NAV2: variants seen among roughly 807,000 people sequenced by gnomAD.
NAV2 encodes helicase, APC down-regulated 1.
Under a neutral mutation model 223.2 loss-of-function variants are expected in NAV2, and 54 were observed. The ratio of observed to expected loss-of-function variants is 0.24; its 90% CI spans 0.19 to 0.30. NAV2 has a LOEUF of 0.30. NAV2 is among the 10% of genes least tolerant of loss of function. The probability of loss-of-function intolerance (pLI) is 1.00; values close to 1 mark genes in which losing one functional copy is unlikely to be tolerated. For missense variants in NAV2, 2,806 were observed against 3,147.5 expected (o/e 0.89, Z 2.60); for synonymous variants, 1,279 against 1,239.3 (o/e 1.03, Z -0.67).
intron 1 of NAV2, among the ~76,000 whole-genome samples, chr11:19,375,900 A>T (rs1242914268): frequency 2.0e-5 from 3 of 152,210 alleles, no homozygotes; most frequent in Non-Finnish European, 2.9e-5. Context: ...AAAAACACAA[A>T]TATCATTATA....
chr11:19,722,415 G>T (rs938200278), intron 1 of NAV2, among the ~76,000 whole-genome samples: 3 of 152,202 alleles, frequency 2.0e-5, no homozygotes, highest in African/African-American at 7.2e-5. Context: ...TCTTTTGCCT[G>T]ACTGAATCCT....
At chr11:19,556,087 C>T (rs907766446) in intron 1 of NAV2, among the ~76,000 whole-genome samples, 3 of 152,118 alleles carry the variant, frequency 2.0e-5, no homozygotes, top group Non-Finnish European at 4.4e-5. Flanking sequence ...TGCAGCTCCC[C>T]GGGGACCAGG....
At chr11:20,050,196 C>T (rs939409006) in intron 16 of NAV2, among the ~76,000 whole-genome samples, 3 of 152,178 alleles carry the variant, frequency 2.0e-5, no homozygotes, top group Non-Finnish European at 4.4e-5. Flanking sequence ...TTGTGGCCTC[C>T]TGTGGCATGT....
At chr11:19,647,836 A>G (rs2047860024) in intron 1 of NAV2, among the ~76,000 whole-genome samples, 1 of 152,234 alleles carries the variant, frequency 6.6e-6, no homozygotes, top group South Asian at 2.1e-4. Flanking sequence ...TCTGCTTCAG[A>G]GGTTTAAAAG....
chr11:19,888,888 G>A (rs772448143), intron 5 of NAV2, among the ~76,000 whole-genome samples: 10 of 152,044 alleles, frequency 6.6e-5, no homozygotes, highest in Admixed American at 5.2e-4. Context: ...ACCAACCTCC[G>A]AGATCTTCAT....
At chr11:19,860,869 A>G (rs1275371636) in intron 3 of NAV2, among the ~76,000 whole-genome samples, 1 of 152,044 alleles carries the variant, frequency 6.6e-6, no homozygotes, top group Non-Finnish European at 1.5e-5. Flanking sequence ...TCTCCACCCA[A>G]AAAATACGAA....
At chr11:20,006,558 C>T (rs2153499489) in intron 11 of NAV2, among the ~76,000 whole-genome samples, 1 of 152,110 alleles carries the variant, frequency 6.6e-6, no homozygotes, top group South Asian at 2.1e-4. Context: ...GCCTATAATC[C>T]CAGCTACTTG....
chr11:19,965,623 A>G (rs2048708492), intron 10 of NAV2, among the ~76,000 whole-genome samples: 1 of 152,208 alleles, frequency 6.6e-6, no homozygotes, highest in Middle Eastern at 3.2e-3. Flanking sequence ...CATTGGTGAG[A>G]GAGATCTTTC....
intron 6 of NAV2, among the ~76,000 whole-genome samples, chr11:19,917,837 G>C (rs781170366): frequency 6.6e-6 from 1 of 152,180 alleles, no homozygotes; most frequent in Admixed American, 6.5e-5. Context: ...AGCTGGTCTC[G>C]AACTCCTGAC....
In NAV2 at chr11:19,812,187, G is replaced by A. The variant is rs564080478; in HGVS notation, c.268-20297G>A. Among the ~76,000 whole-genome samples, 11 of 152,056 alleles carry A rather than the reference G, an allele frequency of 7.2e-5. 1 individual carries two copies. The highest frequency in any genetic ancestry group is 5.2e-4 in the Admixed American group (8 of 15,274). On this transcript the variant is annotated intron_variant, in intron 1 of 37. Coordinates refer to ENST00000349880, the MANE Select transcript of NAV2 (RefSeq NM_145117.5). ...TCTGATTCAATAGGCCTGGAGTGGGGCCTGATAATCTGCATTTATGATGAG... is the reference window on the plus strand; with the variant it reads ...TCTGATTCAATAGGCCTGGAGTGGGACCTGATAATCTGCATTTATGATGAG...
chr11:20,071,536 A>G (rs2153644336), intron 22 of NAV2, among the ~76,000 whole-genome samples: 1 of 152,334 alleles, frequency 6.6e-6, no homozygotes, highest in East Asian at 1.9e-4. Flanking sequence ...AGGAATTGCC[A>G]CACTGTCTTA....
intron 26 of NAV2, among the ~76,000 whole-genome samples, chr11:20,084,962 G>C (rs1368123032): frequency 6.6e-6 from 1 of 152,150 alleles, no homozygotes; most frequent in Non-Finnish European, 1.5e-5. Flanking sequence ...GCCAAGGAGG[G>C]AGGATTGCTT....
chr11:19,732,696 G>T (rs1340774658), intron 1 of NAV2, among the ~76,000 whole-genome samples: 1 of 152,182 alleles, frequency 6.6e-6, no homozygotes, highest in Non-Finnish European at 1.5e-5. Flanking sequence ...CAATTCCCTG[G>T]GGACTAGCTG....
intron 1 of NAV2, among the ~76,000 whole-genome samples, chr11:19,743,222 A>G (rs61876741): frequency 0.018 from 2,670 of 152,314 alleles, 44 homozygotes; most frequent in Non-Finnish European, 0.028. Flanking sequence ...GGCTTTATAA[A>G]CTGCAAAGGA....
intron 1 of NAV2, among the ~76,000 whole-genome samples, chr11:19,376,357 C>G (rs543357831): frequency 6.6e-6 from 1 of 152,146 alleles, no homozygotes; most frequent in African/African-American, 2.4e-5. Context: ...TGGGAGTTTA[C>G]AAAGCACCTT....
chr11:19,374,993 A>G (rs1848594567), intron 1 of NAV2, among the ~76,000 whole-genome samples: 1 of 152,154 alleles, frequency 6.6e-6, no homozygotes, highest in Admixed American at 6.5e-5. Context: ...TGACAACAAG[A>G]TGTTCCCACT....
intron 1 of NAV2, among the ~76,000 whole-genome samples, chr11:19,718,190 A>G (rs138344703): frequency 6.6e-6 from 1 of 152,338 alleles, no homozygotes; most frequent in East Asian, 1.9e-4. Flanking sequence ...TAACATGTGA[A>G]TAAATTAGGA....
intron 1 of NAV2, among the ~76,000 whole-genome samples, chr11:19,421,764 CTT>C (rs373669949): frequency 1.1e-4 from 9 of 84,544 alleles, no homozygotes; most frequent in African/African-American, 2.4e-4. Flanking sequence ...AAGAGAGAGG[CTT>C]TTTTTTTTTT....
rs1554948003 is a variant in NAV2, at chr11:20,074,760, CTTT to C, written c.4984-2778_4984-2776del. ...ATTGGAGACTAGGATTGCAACTCTG[CTTT>C]TTTTTTTTTTTTTGCTTTCCATTTG... On this transcript the variant is annotated intron_variant, in intron 22 of 37. Coordinates refer to ENST00000349880, the MANE Select transcript of NAV2 (RefSeq NM_145117.5). Among the ~76,000 whole-genome samples, 30 of 110,212 alleles carry C rather than the reference CTTT, an allele frequency of 2.7e-4. 1 individual carries two copies. Among genetic ancestry groups the C allele is most frequent in the Non-Finnish European group, 2.3e-4 (13 of 56,810 alleles). The allele number at this position is 110,212 out of a possible 152,430, so 72.3% of individuals were successfully genotyped here.
Sources: gnomAD v4.1 joint callset for allele counts (sites outside exome capture counted in the v4.1 genomes callset) on GRCh38, gnomAD v4.1.1 for gene constraint, MANE v1.5 for transcripts, NCBI Gene and HGNC (gene_info 2026-07-23, HGNC 2026-07-21) for gene names.